NCAM1: variants seen among roughly 807,000 people sequenced by gnomAD.
NCAM1 encodes neural cell adhesion molecule 1.
In NCAM1, 14 loss-of-function variants were observed where a neutral mutation model predicts 109.8. That is an observed-to-expected ratio of 0.13 (90% CI 0.08 to 0.20). The LOEUF (loss-of-function observed/expected upper bound fraction) is 0.20. NCAM1 is among the 10% of genes least tolerant of loss of function. NCAM1 has a pLI of 1.00. For synonymous variants in NCAM1, 418 were observed against 442.9 expected, an observed-to-expected ratio of 0.94 and a Z score of 0.70; for missense variants, 774 against 1,109.9, an observed-to-expected ratio of 0.70 and a Z score of 4.30.
intron 1 of NCAM1, among the ~76,000 whole-genome samples, chr11:113,130,443 A>C (rs1555098135): frequency 6.6e-6 from 1 of 152,208 alleles, no homozygotes; most frequent in Non-Finnish European, 1.5e-5. Flanking sequence ...TATGCCACAA[A>C]GTGATGTATA....
intron 1 of NCAM1, among the ~76,000 whole-genome samples, chr11:113,038,584 G>A (rs1288192619): frequency 6.6e-6 from 1 of 152,098 alleles, no homozygotes; most frequent in Non-Finnish European, 1.5e-5. Context: ...AGATCTGCTT[G>A]GCTTGGGGCT....
chr11:113,228,110 G>T (rs1209498221), intron 9 of NCAM1, among the ~76,000 whole-genome samples: 2 of 152,150 alleles, frequency 1.3e-5, no homozygotes, highest in Non-Finnish European at 2.9e-5. Context: ...AGGAAATAAA[G>T]GTTATTCAAG....
At chr11:113,218,736 T>G (rs1402241991) in intron 8 of NCAM1, among the ~76,000 whole-genome samples, 3 of 152,226 alleles carry the variant, frequency 2.0e-5, no homozygotes, top group Non-Finnish European at 4.4e-5. Flanking sequence ...ATAGCTAGGG[T>G]ACCTAATTGT....
chr11:113,206,618 C>T (rs1944246719), intron 5 of NCAM1, among the ~76,000 whole-genome samples: 1 of 152,148 alleles, frequency 6.6e-6, no homozygotes, highest in Admixed American at 6.5e-5. Flanking sequence ...TAAACACACC[C>T]ATGGAATTGA....
At chr11:113,202,581 C>A in intron 2 of NCAM1, 128 bp downstream of exon 2, 1 of 779,410 alleles carries the variant, frequency 1.3e-6, no homozygotes, top group Non-Finnish European at 2.0e-6. Flanking sequence ...TGCTCTATTA[C>A]AGGGTCAATA....
intron 3 of NCAM1, among the ~76,000 whole-genome samples, chr11:113,204,732 A>G (rs937816652): frequency 6.6e-6 from 1 of 152,152 alleles, no homozygotes; most frequent in Non-Finnish European, 1.5e-5. Flanking sequence ...TTCAAATTAC[A>G]TAGTTCCCAG....
At chr11:113,144,767 C>T (rs1941952536) in intron 1 of NCAM1, among the ~76,000 whole-genome samples, 3 of 152,232 alleles carry the variant, frequency 2.0e-5, no homozygotes, top group Non-Finnish European at 4.4e-5. Context: ...GGGAAAAATA[C>T]AGTACATGTG....
At chr11:112,982,157 G>A (rs1024076128) in intron 1 of NCAM1, among the ~76,000 whole-genome samples, 1 of 151,982 alleles carries the variant, frequency 6.6e-6, no homozygotes, top group African/African-American at 2.4e-5. Flanking sequence ...ATAGTGCCTA[G>A]CAAAGGGTCT....
At chr11:113,171,334 T>C (rs1268523234) in intron 1 of NCAM1, among the ~76,000 whole-genome samples, 1 of 152,228 alleles carries the variant, frequency 6.6e-6, no homozygotes, top group East Asian at 1.9e-4. Context: ...GAAATGCTCA[T>C]GAGAAGGGAT....
At chr11:113,113,788 G>A (rs1238328690) in intron 1 of NCAM1, among the ~76,000 whole-genome samples, 3 of 151,954 alleles carry the variant, frequency 2.0e-5, no homozygotes, top group African/African-American at 7.2e-5. Context: ...AAATCTTGAT[G>A]TGTCTTAGAT....
chr11:113,092,170 T>G (rs1053081628), intron 1 of NCAM1, among the ~76,000 whole-genome samples: 1 of 152,158 alleles, frequency 6.6e-6, no homozygotes, highest in Non-Finnish European at 1.5e-5. Context: ...TATTAAGCAC[T>G]TACTCTCTGC....
intron 1 of NCAM1, among the ~76,000 whole-genome samples, chr11:113,067,003 CAAAAAAAAAA>C (rs34002848): frequency 3.9e-5 from 4 of 103,700 alleles, no homozygotes; most frequent in Admixed American, 1.2e-4. Flanking sequence ...GAACCCCTCT[CAAAAAAAAAA>C]AAAAAAAAAA....
chr11:112,965,720 T>C (rs1555065148), intron 1 of NCAM1, among the ~76,000 whole-genome samples: 1 of 152,250 alleles, frequency 6.6e-6, no homozygotes, highest in Non-Finnish European at 1.5e-5. Context: ...ATTTTGTCTT[T>C]AGTATTAAAG....
chr11:113,214,031 A>G (rs1022319522), intron 7 of NCAM1, among the ~76,000 whole-genome samples: 1 of 152,162 alleles, frequency 6.6e-6, no homozygotes, highest in Non-Finnish European at 1.5e-5. Flanking sequence ...TCTCCACCCT[A>G]GAGTTCCACC....
intron 9 of NCAM1, among the ~76,000 whole-genome samples, chr11:113,222,221 A>G (rs1555115467): frequency 6.6e-6 from 1 of 152,218 alleles, no homozygotes; most frequent in East Asian, 1.9e-4. Context: ...TGATCGTGTA[A>G]TGCTATAAAT....
intron 1 of NCAM1, among the ~76,000 whole-genome samples, chr11:113,036,967 T>A (rs782806066): frequency 2.6e-5 from 4 of 152,200 alleles, no homozygotes; most frequent in Non-Finnish European, 5.9e-5. Flanking sequence ...CTTTTTTCAC[T>A]GTGCTTTTTC....
At chr11:113,191,791 A>G (rs1465476162) in intron 1 of NCAM1, among the ~76,000 whole-genome samples, 2 of 142,960 alleles carry the variant, frequency 1.4e-5, no homozygotes, top group East Asian at 4.1e-4. Context: ...ATATATATAT[A>G]TGTATATGAA....
chr11:113,246,061 G>A, intron 14 of NCAM1: 1 of 471,148 alleles, frequency 2.1e-6, no homozygotes. Context: ...CGTAGCTAAT[G>A]CTTATTGGTG....
chr11:113,209,160 G>T (rs1337647532), intron 7 of NCAM1, among the ~76,000 whole-genome samples: 1 of 152,224 alleles, frequency 6.6e-6, no homozygotes, highest in Admixed American at 6.5e-5. Flanking sequence ...CCAGTCTGAG[G>T]CGCAGCTCTG....
Sources: gnomAD v4.1 joint callset for allele counts (sites outside exome capture counted in the v4.1 genomes callset) on GRCh38, gnomAD v4.1.1 for gene constraint, MANE v1.5 for transcripts, NCBI Gene and HGNC (gene_info 2026-07-23, HGNC 2026-07-21) for gene names.